Variants in FOXP1 observed in about 807,000 individuals in gnomAD.
FOXP1 encodes forkhead box P1.
FOXP1 carries 15 observed loss-of-function variants against 98.2 expected under a neutral mutation model. That is an observed-to-expected ratio of 0.15 (90% CI 0.10 to 0.24). The LOEUF is 0.24. Ranked by LOEUF, FOXP1 falls within the 10% of genes least tolerant of loss-of-function variation. The probability of loss-of-function intolerance (pLI) is 1.00; values close to 1 mark genes in which losing one functional copy is unlikely to be tolerated. For synonymous variants in FOXP1, 371 were observed against 314.5 expected, an observed-to-expected ratio of 1.18 and a Z score of -1.90; for missense variants, 633 against 848.5, an observed-to-expected ratio of 0.75 and a Z score of 3.15.
At chr3:71,191,363 G>T (rs1209548984) in intron 6 of FOXP1, among the ~76,000 whole-genome samples, 1 of 152,080 alleles carries the variant, frequency 6.6e-6, no homozygotes. Context: ...CTTTTTTTAT[G>T]ATTATTTTTA....
At chr3:71,142,903 TAATG>T (rs1264908139) in intron 6 of FOXP1, among the ~76,000 whole-genome samples, 2 of 151,990 alleles carry the variant, frequency 1.3e-5, no homozygotes, top group African/African-American at 4.8e-5. Flanking sequence ...GAGTTTCTCT[TAATG>T]AGTAAGAACT....
intron 2 of FOXP1, among the ~76,000 whole-genome samples, chr3:71,500,401 C>T (rs2041248862): frequency 6.6e-6 from 1 of 152,224 alleles, no homozygotes; most frequent in South Asian, 2.1e-4. Flanking sequence ...CTCCATTCCC[C>T]CATCTATGTC....
At chr3:71,128,961 T>TAATA in intron 6 of FOXP1, among the ~76,000 whole-genome samples, 1 of 152,156 alleles carries the variant, frequency 6.6e-6, no homozygotes, top group Non-Finnish European at 1.5e-5. Context: ...TTTCTGTATA[T>TAATA]CTGTTAAAGG....
chr3:71,281,251 A>C (rs914255518), intron 5 of FOXP1, among the ~76,000 whole-genome samples: 3 of 151,992 alleles, frequency 2.0e-5, no homozygotes, highest in Non-Finnish European at 4.4e-5. Flanking sequence ...TAAAAAAAAA[A>C]AGAAAAAGAA....
At chr3:71,109,481 C>A (rs114629369) in intron 7 of FOXP1, among the ~76,000 whole-genome samples, 44 of 151,638 alleles carry the variant, frequency 2.9e-4, no homozygotes, top group Non-Finnish European at 3.5e-4. Flanking sequence ...CCCTGTCAAG[C>A]CTTCCTCTAT....
intron 6 of FOXP1, among the ~76,000 whole-genome samples, chr3:71,124,142 T>TAAAA (rs397708537): frequency 0.18 from 26,982 of 149,946 alleles, 2,673 homozygotes; most frequent in Non-Finnish European, 0.23. Context: ...TATATTTTTT[T>TAAAA]AAAAAAAAAA....
rs2080487603 is a variant in FOXP1 at position 71,385,341 on chromosome 3, C to T, written c.-167-26097G>A. Among the ~76,000 whole-genome samples, 4 of 152,128 alleles carry T rather than the reference C, an allele frequency of 2.6e-5. No homozygotes were observed. The South Asian group carries it at 8.3e-4, about 31-fold the overall frequency. ...ACATTTACTAGAGCATTTAAAGTTG[C>T]CAGGCTTCTGTGGAGGAATGCATTT... On this transcript the variant is annotated intron_variant, in intron 3 of 20. Transcript: ENST00000649528.
chr3:71,232,689 A>G (rs539745150), intron 5 of FOXP1, among the ~76,000 whole-genome samples: 2 of 151,970 alleles, frequency 1.3e-5, no homozygotes, highest in East Asian at 3.9e-4. Context: ...CCTTGAGTTC[A>G]GGAGTTCGAG....
At chr3:71,367,277 A>G (rs1479318372) in intron 3 of FOXP1, among the ~76,000 whole-genome samples, 1 of 152,134 alleles carries the variant, frequency 6.6e-6, no homozygotes, top group East Asian at 1.9e-4. Context: ...AAAAACCCAC[A>G]ATAAATGTGA....
chr3:71,219,728 T>C (rs1033159844), intron 5 of FOXP1, among the ~76,000 whole-genome samples: 1 of 152,260 alleles, frequency 6.6e-6, no homozygotes, highest in African/African-American at 2.4e-5. Flanking sequence ...TTGTATCTTA[T>C]TCTTTTTACT....
In FOXP1 at chr3:70,955,167, A is replaced by G. The variant is rs1463659742; in HGVS notation, c.*4080T>C. 8.6e-6 allele frequency: 2 copies of G among 232,598 alleles called. No individual in the cohort carries two copies. The highest frequency in any genetic ancestry group is 4.4e-5 in the African/African-American group (2 of 45,438). The allele number at this position is 232,598 out of a possible 1,614,324, so 14.4% of individuals were successfully genotyped here. A position where few individuals can be genotyped will look rare whatever the true frequency, so the allele number is the denominator to read the frequency against. ...GCACACTCTTCTTTGTGCCTTTGGA[A>G]ACGGAGTTCAGCTGGAATATGGAAA... On this transcript the variant is annotated 3_prime_UTR_variant, in exon 21 of 21. Coordinates refer to ENST00000649528, the MANE Select transcript of FOXP1 (RefSeq NM_001349338.3).
intron 13 of FOXP1, among the ~76,000 whole-genome samples, chr3:70,997,765 A>G (rs984056334): frequency 5.9e-5 from 9 of 152,210 alleles, no homozygotes; most frequent in African/African-American, 2.2e-4. Flanking sequence ...CTTGGAGGGC[A>G]GCTTTATCTG....
chr3:71,420,415 C>T (rs1383150541), intron 3 of FOXP1, among the ~76,000 whole-genome samples: 1 of 152,090 alleles, frequency 6.6e-6, no homozygotes, highest in East Asian at 1.9e-4. Context: ...CTACAGGGGC[C>T]ACTTCACCTC....
chr3:71,353,495 C>T (rs934946437), intron 4 of FOXP1, among the ~76,000 whole-genome samples: 1 of 151,856 alleles, frequency 6.6e-6, no homozygotes, highest in Non-Finnish European at 1.5e-5. Context: ...CTGATTTATT[C>T]ACTTACTTTG....
chr3:71,070,305 C>A (rs1304201580), intron 7 of FOXP1, among the ~76,000 whole-genome samples: 1 of 152,158 alleles, frequency 6.6e-6, no homozygotes, highest in Non-Finnish European at 1.5e-5. Context: ...TTTTAGCTCA[C>A]CTAAGAGAAC....
chr3:71,396,924 A>ATATATACACACATATATATATGTG (rs1553871278), intron 3 of FOXP1, among the ~76,000 whole-genome samples: 1 of 107,826 alleles, frequency 9.3e-6, no homozygotes, highest in African/African-American at 4.1e-5. Context: ...GTGTGTATAT[A>ATATATACACACATATATATATGTG]TATATATATA....
chr3:71,063,104 C>A (rs2051775961), intron 7 of FOXP1, among the ~76,000 whole-genome samples: 1 of 152,178 alleles, frequency 6.6e-6, no homozygotes, highest in Non-Finnish European at 1.5e-5. Flanking sequence ...CAGCCGAATG[C>A]GTTCTCAGTT....
chr3:71,067,729 A>AACACACAC lies in FOXP1; in HGVS notation c.283-13957_283-13956insGTGTGTGT, dbSNP rs1257302897. ...AACACAGTGGGACTCCGTCTCCAAA[A>AACACACAC]ATACACACACACACACACACACACA... On this transcript the variant is annotated intron_variant, in intron 7 of 20. Coordinates refer to ENST00000649528, the MANE Select transcript of FOXP1 (RefSeq NM_001349338.3). 5.4e-4 allele frequency among the ~76,000 whole-genome samples: 6 copies of AACACACAC among 11,190 alleles called. No homozygotes were observed. The East Asian group carries it at 0.013, about 24-fold the overall frequency. 7.3% of individuals were successfully genotyped at this position (11,190 alleles called of 152,430 possible). A position where few individuals can be genotyped will look rare whatever the true frequency, so the allele number is the denominator to read the frequency against.
chr3:71,119,380 T>C (rs906286374), intron 6 of FOXP1, among the ~76,000 whole-genome samples: 2 of 152,140 alleles, frequency 1.3e-5, no homozygotes, highest in African/African-American at 4.8e-5. Flanking sequence ...CTGGTCTGAG[T>C]CAGCCATCCT....
Sources: allele counts gnomAD v4.1 joint callset (sites outside exome capture counted in the v4.1 genomes callset), GRCh38; gene constraint gnomAD v4.1.1; transcripts MANE v1.5; gene names NCBI Gene and HGNC (gene_info 2026-07-23, HGNC 2026-07-21).